Variants in NOSTRIN observed in about 807,000 individuals in gnomAD.
NOSTRIN encodes the protein BM247 homolog.
A neutral mutation model predicts 59.0 loss-of-function variants in NOSTRIN; 63 were observed. The ratio of observed to expected loss-of-function variants is 1.07; its 90% CI spans 0.87 to 1.32. The LOEUF is 1.32. NOSTRIN is among the 40% of genes most tolerant of loss of function. The pLI is 0.00. For synonymous variants in NOSTRIN, 200 were observed against 165.4 expected, an observed-to-expected ratio of 1.21 and a Z score of -1.61; for missense variants, 512 against 473.1, an observed-to-expected ratio of 1.08 and a Z score of -0.76.
intron 8 of NOSTRIN, among the ~76,000 whole-genome samples, chr2:168,848,274 G>A (rs1037908994): frequency 4.6e-5 from 7 of 152,242 alleles, no homozygotes; most frequent in African/African-American, 1.7e-4. Context: ...GGAGACAGAA[G>A]GGCAGACGGC....
At chr2:168,829,359 C>T (rs1015526730) in intron 5 of NOSTRIN, among the ~76,000 whole-genome samples, 2 of 148,262 alleles carry the variant, frequency 1.3e-5, no homozygotes, top group African/African-American at 5.0e-5. Context: ...TTGCTCTTGT[C>T]ACCCAGGCTG....
At chr2:168,826,965 G>GT (rs1687094915) in intron 3 of NOSTRIN, among the ~76,000 whole-genome samples, 1 of 151,932 alleles carries the variant, frequency 6.6e-6, no homozygotes, top group Admixed American at 6.5e-5. Flanking sequence ...TCCTGTAATT[G>GT]TAAGTATATA....
intron 12 of NOSTRIN, 169 bp from the exon 13 acceptor site, chr2:168,859,343 G>A (rs1689300809): frequency 1.0e-6 from 1 of 981,266 alleles, no homozygotes; most frequent in African/African-American, 1.7e-5. Context: ...ACTGCTTAAA[G>A]AGTTTATTCC....
chr2:168,808,772 A>G (rs557171716), intron 1 of NOSTRIN, among the ~76,000 whole-genome samples: 4 of 152,320 alleles, frequency 2.6e-5, no homozygotes, highest in African/African-American at 9.6e-5. Flanking sequence ...TAAAAAGTCA[A>G]TTTTCCCAAA....
upstream of NOSTRIN, among the ~76,000 whole-genome samples, chr2:168,795,724 G>A (rs1685461921): frequency 6.6e-6 from 1 of 152,184 alleles, no homozygotes; most frequent in Non-Finnish European, 1.5e-5. Context: ...TTTCAATGAA[G>A]TGTTATGAGG....
intron 2 of NOSTRIN, among the ~76,000 whole-genome samples, chr2:168,813,631 G>A (rs1264588600): frequency 6.6e-6 from 1 of 152,026 alleles, no homozygotes; most frequent in African/African-American, 2.4e-5. Flanking sequence ...TATCCAGTGG[G>A]GAAGAAACAC....
chr2:168,833,032 C>T lies in NOSTRIN; in HGVS notation c.406-1195C>T, dbSNP rs533973448. Among the ~76,000 whole-genome samples the T allele has an allele frequency of 6.6e-5, 10 of 152,146 alleles. No individual in the cohort carries two copies. The South Asian group carries it at 1.9e-3, about 28-fold the overall frequency. Reference sequence around the variant, plus strand: ...ATAATGCTGAGAGGCTGCAATTGCTCCCAAGAAAAAACATCTTTTATCATT... The same window carrying T: ...ATAATGCTGAGAGGCTGCAATTGCTTCCAAGAAAAAACATCTTTTATCATT... On this transcript the variant is annotated intron_variant, in intron 6 of 15. Coordinates refer to ENST00000317647, the MANE Select transcript of NOSTRIN (RefSeq NM_001039724.4).
At position 168,842,986 on chromosome 2, in the gene NOSTRIN, C is replaced by T. The variant is rs781500528; in HGVS notation, c.505-6C>T. ...GTAAATGTGTGACATTGATGTTTTA[C>T]ATTAGCTCCTCAATAAACTGACAAA... On this transcript the variant is annotated splice_region_variant and splice_polypyrimidine_tract_variant and intron_variant, in intron 7 of 15. Transcript: ENST00000317647. 2 of 870,866 alleles carry T rather than the reference C, an allele frequency of 2.3e-6. No homozygotes were observed. The highest frequency in any genetic ancestry group is 4.0e-6 in the Non-Finnish European group (2 of 500,912). The allele number at this position is 870,866 out of a possible 1,614,324, so 53.9% of individuals were successfully genotyped here.
At chr2:168,847,125 T>C (rs528100434) in intron 8 of NOSTRIN, among the ~76,000 whole-genome samples, 107 of 152,328 alleles carry the variant, frequency 7.0e-4, no homozygotes, top group African/African-American at 2.6e-3. Flanking sequence ...AAAGTGGTAT[T>C]TTCAGAGACT....
chr2:168,831,060 GTC>G (rs1222887295), intron 5 of NOSTRIN, among the ~76,000 whole-genome samples: 5 of 152,190 alleles, frequency 3.3e-5, no homozygotes, highest in African/African-American at 1.2e-4. Flanking sequence ...TACTGTGACT[GTC>G]TTAGTTCAGG....
chr2:168,836,499 G>T (rs1574300746), intron 7 of NOSTRIN, among the ~76,000 whole-genome samples: 2 of 152,100 alleles, frequency 1.3e-5, no homozygotes, highest in East Asian at 3.9e-4. Flanking sequence ...ACCCAAGCGG[G>T]GGGCATTCAT....
At chr2:168,834,434 C>A in intron 7 of NOSTRIN, 109 bp downstream of exon 7, 1 of 633,790 alleles carries the variant, frequency 1.6e-6, no homozygotes, top group South Asian at 1.8e-5. Context: ...CTGTGGGATT[C>A]CTGCAGAGAT....
intron 5 of NOSTRIN, among the ~76,000 whole-genome samples, chr2:168,831,111 A>G (rs1362786439): frequency 6.6e-6 from 1 of 152,196 alleles, no homozygotes; most frequent in Non-Finnish European, 1.5e-5. Context: ...TAGCTTATAA[A>G]TAATAGGAAT....
intron 6 of NOSTRIN, 52 bp downstream of exon 6, chr2:168,831,586 G>A (rs1687366275): frequency 1.2e-6 from 1 of 815,912 alleles, no homozygotes; most frequent in Non-Finnish European, 2.2e-6. Flanking sequence ...GAATTGAAGT[G>A]TTTTGCTTTC....
rs10203580 is a variant in NOSTRIN, at chr2:168,851,067, A to G, written c.631-17A>G. ...ATAACAACTGGCTGATCTTACCCCA[A>G]TTTTCATTCTTTTCAGAGCATTCTG... On this transcript the variant is annotated splice_polypyrimidine_tract_variant and intron_variant, in intron 8 of 15. Transcript: ENST00000317647. 3.9e-3 allele frequency: 5,524 copies of G among 1,400,022 alleles called. 183 individuals carry two copies. In the African/African-American group the frequency reaches 0.069, roughly 18 times the overall value. 86.7% of individuals were successfully genotyped at this position (1,400,022 alleles called of 1,614,324 possible). A position where few individuals can be genotyped will look rare whatever the true frequency, so the allele number is the denominator to read the frequency against.
chr2:168,835,537 G>T (rs141887892), intron 7 of NOSTRIN, among the ~76,000 whole-genome samples: 171 of 152,274 alleles, frequency 1.1e-3, no homozygotes, highest in African/African-American at 3.9e-3. Context: ...ATTGTTGGTA[G>T]TAACATCAAT....
intron 7 of NOSTRIN, among the ~76,000 whole-genome samples, chr2:168,836,307 T>C (rs896843111): frequency 6.6e-6 from 1 of 152,210 alleles, no homozygotes; most frequent in Non-Finnish European, 1.5e-5. Context: ...GAAAAAAGCA[T>C]GGCAGCTAAG....
intron 15 of NOSTRIN, among the ~76,000 whole-genome samples, chr2:168,864,167 C>T (rs140856417): frequency 6.6e-6 from 1 of 152,166 alleles, no homozygotes; most frequent in East Asian, 1.9e-4. Context: ...GGGGTTTCAC[C>T]ATGTTGGCCA....
At chr2:168,806,788 A>G (rs1685873008) in intron 1 of NOSTRIN, among the ~76,000 whole-genome samples, 1 of 152,174 alleles carries the variant, frequency 6.6e-6, no homozygotes, top group Non-Finnish European at 1.5e-5. Context: ...GGGTTAGGAT[A>G]TTTAAAAGCT....
Sources: allele counts gnomAD v4.1 joint callset (sites outside exome capture counted in the v4.1 genomes callset), GRCh38; gene constraint gnomAD v4.1.1; transcripts MANE v1.5; gene names NCBI Gene and HGNC (gene_info 2026-07-23, HGNC 2026-07-21).